ARHGAP39: variants seen among roughly 807,000 people sequenced by gnomAD.
ARHGAP39 encodes Rho GTPase activating protein 39.
ARHGAP39 carries 44 observed loss-of-function variants against 106.9 expected under a neutral mutation model. The ratio of observed to expected loss-of-function variants is 0.41; its 90% CI spans 0.32 to 0.53. ARHGAP39 has a LOEUF of 0.53. Ranked by LOEUF, ARHGAP39 falls within the 20% of genes least tolerant of loss-of-function variation. The pLI, the probability that ARHGAP39 is intolerant of heterozygous loss-of-function variation, is 0.21. For synonymous variants in ARHGAP39, 768 were observed against 693.2 expected (o/e 1.11, Z -1.69); for missense variants, 1,496 against 1,577.3 (o/e 0.95, Z 0.87).
rs1476620390 is a variant in ARHGAP39 at position 144,586,527 on chromosome 8, T to C, written c.81-5250A>G. On this transcript the variant is annotated intron_variant, in intron 2 of 11. Coordinates refer to ENST00000377307, the MANE Select transcript of ARHGAP39 (RefSeq NM_025251.3). The surrounding 1 kb of genome is among the most constrained non-coding windows in gnomAD (Gnocchi z 4.2). ...ACAGTTCTCTCTCCAGGATGCCAGATCCCATGTGGCAGTCCCAGGCTCCCC... is the reference window on the plus strand; with the variant it reads ...ACAGTTCTCTCTCCAGGATGCCAGACCCCATGTGGCAGTCCCAGGCTCCCC... The C allele has an allele frequency of 1.3e-5, 2 of 152,402 alleles. No individual in the cohort carries two copies. Among genetic ancestry groups the C allele is most frequent in the Non-Finnish European group, 2.9e-5 (2 of 68,142 alleles). 9.4% of individuals were successfully genotyped at this position (152,402 alleles called of 1,614,324 possible).
intron 4 of ARHGAP39, among the ~76,000 whole-genome samples, chr8:144,550,873 G>C (rs1423648083): frequency 6.6e-6 from 1 of 152,322 alleles, no homozygotes; most frequent in South Asian, 2.1e-4. Context: ...TCCGGAGTTC[G>C]GGAGATCGGG....
At chr8:144,553,859 C>T (rs1262525243) in intron 4 of ARHGAP39, among the ~76,000 whole-genome samples, 1 of 152,200 alleles carries the variant, frequency 6.6e-6, no homozygotes, top group African/African-American at 2.4e-5. Context: ...TCTCCCCGCC[C>T]AATGCAGTGG....
At chr8:144,689,832 G>A (rs192457944), upstream of ARHGAP39, among the ~76,000 whole-genome samples, 7 of 145,448 alleles carry the variant, frequency 4.8e-5, no homozygotes, top group Admixed American at 1.4e-4. Context: ...CGCAACTTCC[G>A]CCTCCTGGGT....
chr8:144,678,391 G>C (rs375819157), intron 1 of ARHGAP39, among the ~76,000 whole-genome samples: 4 of 152,192 alleles, frequency 2.6e-5, no homozygotes, highest in Admixed American at 1.3e-4. Context: ...ACTACGAGAG[G>C]GGGTGGAGCA....
chr8:144,600,692 G>A (rs555680408), intron 2 of ARHGAP39, among the ~76,000 whole-genome samples: 17 of 149,746 alleles, frequency 1.1e-4, no homozygotes, highest in Non-Finnish European at 1.8e-4. Flanking sequence ...GTGCGTGTGC[G>A]TGGAGACGTG....
intron 6 of ARHGAP39, among the ~76,000 whole-genome samples, chr8:144,541,210 T>C (rs1286643098): frequency 6.6e-6 from 1 of 152,226 alleles, no homozygotes; most frequent in African/African-American, 2.4e-5. Context: ...GGTCACCCTC[T>C]TCCCCCTTTG....
At chr8:144,580,519 C>T (rs1246849187) in intron 3 of ARHGAP39, among the ~76,000 whole-genome samples, 1 of 152,192 alleles carries the variant, frequency 6.6e-6, no homozygotes, top group Non-Finnish European at 1.5e-5. Context: ...GCTGCTACAG[C>T]CAAGGACGAG....
chr8:144,606,415 A>T (rs1052349554), intron 1 of ARHGAP39, among the ~76,000 whole-genome samples: 4 of 152,242 alleles, frequency 2.6e-5, no homozygotes, highest in Non-Finnish European at 4.4e-5. Flanking sequence ...CTTTAGGATG[A>T]TCCACTTCCA....
chr8:144,587,717 C>T (rs1284374177), intron 2 of ARHGAP39, among the ~76,000 whole-genome samples: 5 of 150,400 alleles, frequency 3.3e-5, no homozygotes, highest in Admixed American at 6.6e-5. Context: ...TGCGGTGGCG[C>T]GATCTCGGCT....
chr8:144,595,978 G>A (rs572606312), intron 2 of ARHGAP39, among the ~76,000 whole-genome samples: 1 of 152,206 alleles, frequency 6.6e-6, no homozygotes, highest in East Asian at 1.9e-4. Flanking sequence ...GGTGTGGCCA[G>A]CCCCACACCA....
At chr8:144,600,849 CTGTG>C (rs529452782) in intron 2 of ARHGAP39, among the ~76,000 whole-genome samples, 11 of 146,560 alleles carry the variant, frequency 7.5e-5, no homozygotes, top group Admixed American at 1.4e-4. Context: ...GCTCGTGTAC[CTGTG>C]TGTGTGCATG....
Position 144,555,606 on chromosome 8 carries a change from C to G in ARHGAP39, c.550G>C (p.Glu184Gln). The G allele has an allele frequency of 1.2e-6, 2 of 1,614,042 alleles. No individual in the cohort carries two copies. Among genetic ancestry groups the G allele is most frequent in the South Asian group, 2.2e-5 (2 of 91,090 alleles). The stretch of plus-strand genomic sequence containing the variant: ...TCCGCACTGTAATCCCGGTAAATCT[C>G]ATAGTCCTTCTCAAGGAACACTCCT... ...PPGVFLEKDY[E>Q]IYRDYSADGQ... Residue 184 changes from glutamate (E) to glutamine (Q), a missense_variant, in exon 4 of 12, where the codon GAG (glutamate) becomes CAG (glutamine). Around this residue, in one of 4 missense-constraint regions of ARHGAP39, gnomAD observed 905 missense variants for 816.4 expected, o/e 1.11. Transcript: ENST00000377307.
intron 5 of ARHGAP39, among the ~76,000 whole-genome samples, chr8:144,546,069 C>G (rs937116913): frequency 6.6e-6 from 1 of 152,212 alleles, no homozygotes; most frequent in African/African-American, 2.4e-5. Context: ...ACCCAGGTGA[C>G]CTGGCTGAGG....
chr8:144,638,631 CT>C (rs1318249530), intron 1 of ARHGAP39, among the ~76,000 whole-genome samples: 1 of 152,212 alleles, frequency 6.6e-6, no homozygotes, highest in Non-Finnish European at 1.5e-5. Flanking sequence ...GACATTTAAC[CT>C]ATTGATTGGT....
chr8:144,532,205 T>C (rs1490077883), intron 10 of ARHGAP39, 100 bp downstream of exon 10: 4 of 962,970 alleles, frequency 4.2e-6, no homozygotes, highest in Non-Finnish European at 6.4e-6. Context: ...ATCACATCAC[T>C]GGGCAGGATC....
intron 2 of ARHGAP39, among the ~76,000 whole-genome samples, chr8:144,587,630 G>A (rs1021627367): frequency 4.6e-5 from 7 of 152,010 alleles, no homozygotes; most frequent in South Asian, 2.1e-4. Context: ...GGGTCCCCAC[G>A]AGGAAGAGTG....
intron 4 of ARHGAP39, among the ~76,000 whole-genome samples, chr8:144,550,543 T>TG (rs1817653562): frequency 6.6e-6 from 1 of 152,228 alleles, no homozygotes; most frequent in Non-Finnish European, 1.5e-5. Flanking sequence ...CCCCATTGCC[T>TG]GGGGGGTTGG....
chr8:144,618,050 G>A (rs190197044), intron 1 of ARHGAP39, among the ~76,000 whole-genome samples: 1 of 152,262 alleles, frequency 6.6e-6, no homozygotes, highest in East Asian at 1.9e-4. Context: ...CCAAAGTGCT[G>A]GGATTCCAGG....
chr8:144,530,955 G>A, intron 10 of ARHGAP39, 84 bp from the exon 11 acceptor site: 1 of 1,464,044 alleles, frequency 6.8e-7, no homozygotes. Flanking sequence ...CATGCATGGA[G>A]GGGTGCTGTG....
Sources: gnomAD v4.1 joint callset for allele counts (sites outside exome capture counted in the v4.1 genomes callset) on GRCh38, gnomAD v4.1.1 for gene constraint, gnomAD v4.1.1 regional missense constraint, Gnocchi (gnomAD v3.1) non-coding constraint, MANE v1.5 for transcripts, NCBI Gene and HGNC (gene_info 2026-07-23, HGNC 2026-07-21) for gene names.